GMPS: variants seen among roughly 807,000 people sequenced by gnomAD.
GMPS encodes the protein guanosine monophosphate synthase, also known as GMP synthase [glutamine-hydrolyzing].
Under a neutral mutation model 77.9 loss-of-function variants are expected in GMPS, and 15 were observed. The observed-to-expected ratio is 0.19, with a 90% CI of 0.13 to 0.30. GMPS has a LOEUF of 0.30. Among genes scored for constraint, GMPS ranks in the 10% least tolerant of loss-of-function variants. The probability of loss-of-function intolerance (pLI) is 1.00; values close to 1 mark genes in which losing one functional copy is unlikely to be tolerated. For synonymous variants in GMPS, 224 were observed against 275.9 expected, an observed-to-expected ratio of 0.81 and a Z score of 1.86; for missense variants, 590 against 838.8, an observed-to-expected ratio of 0.70 and a Z score of 3.66.
intron 14 of GMPS, among the ~76,000 whole-genome samples, chr3:155,935,308 G>A (rs1358727835): frequency 2.0e-5 from 3 of 152,122 alleles, no homozygotes; most frequent in African/African-American, 7.2e-5. Flanking sequence ...TCAGCCTCCC[G>A]AGTAGCTGGG....
At chr3:155,911,394 ATG>A (rs1224544081) in intron 7 of GMPS, 115 bp downstream of exon 7, 8 of 596,954 alleles carry the variant, frequency 1.3e-5, no homozygotes, top group Admixed American at 3.7e-5. Flanking sequence ...AAGGTTGAAA[ATG>A]TTTTTTATTT....
intron 1 of GMPS, among the ~76,000 whole-genome samples, chr3:155,874,367 A>G (rs7645121): frequency 0.012 from 1,862 of 152,274 alleles, 49 homozygotes; most frequent in African/African-American, 0.043. Flanking sequence ...TGCATGTGAT[A>G]CAGAATCTTT....
At chr3:155,916,560 T>G (rs1755185025) in intron 9 of GMPS, among the ~76,000 whole-genome samples, 2 of 152,232 alleles carry the variant, frequency 1.3e-5, no homozygotes, top group South Asian at 4.1e-4. Context: ...TACCGTAATG[T>G]TTTCAAGGTT....
intron 5 of GMPS, among the ~76,000 whole-genome samples, chr3:155,907,482 AG>A (rs1398226323): frequency 1.3e-5 from 2 of 152,160 alleles, no homozygotes; most frequent in Non-Finnish European, 2.9e-5. Flanking sequence ...CTAGCTACTC[AG>A]GAGGCTGAGG....
Position 155,896,260 on chromosome 3 carries a change from C to T in GMPS, c.210-1667C>T, listed in dbSNP as rs185299872. The stretch of plus-strand genomic sequence containing the variant: ...TCCTGACCTCGTGATCCACGCACCT[C>T]GGCCTCCCAAAGTGCTGGGATTACA... On this transcript the variant is annotated intron_variant, in intron 2 of 15. Transcript: ENST00000496455. Among the ~76,000 whole-genome samples, 120 of 152,260 alleles carry T rather than the reference C, an allele frequency of 7.9e-4. 1 individual carries two copies. In the East Asian group the frequency reaches 0.01, roughly 13 times the overall value.
chr3:155,892,485 G>A (rs546219405), intron 1 of GMPS, among the ~76,000 whole-genome samples: 68 of 152,188 alleles, frequency 4.5e-4, no homozygotes, highest in African/African-American at 1.6e-3. Flanking sequence ...TTCATCCATA[G>A]CCACCTACTT....
At chr3:155,903,798 TC>T in intron 3 of GMPS, 64 bp from the exon 4 acceptor site, 1 of 638,842 alleles carries the variant, frequency 1.6e-6, no homozygotes, top group Admixed American at 3.3e-5. Flanking sequence ...AATTATTAAA[TC>T]AGTATAACAA....
At chr3:155,927,691 A>G (rs1039223466) in intron 12 of GMPS, among the ~76,000 whole-genome samples, 1 of 152,202 alleles carries the variant, frequency 6.6e-6, no homozygotes, top group Admixed American at 6.5e-5. Context: ...ATGAAAATAC[A>G]TTAAAAAAAA....
chr3:155,910,576 A>G, intron 5 of GMPS, 116 bp from the exon 6 acceptor site: 2 of 543,548 alleles, frequency 3.7e-6, no homozygotes, highest in East Asian at 3.3e-5. Context: ...CTCAAAAAAA[A>G]AAAAAAAAAA....
chr3:155,909,346 A>G (rs1754971931), intron 5 of GMPS, among the ~76,000 whole-genome samples: 1 of 152,234 alleles, frequency 6.6e-6, no homozygotes, highest in Non-Finnish European at 1.5e-5. Context: ...CAAGTCTAAT[A>G]TATGAGATTC....
chr3:155,874,398 AT>A (rs1753981135), intron 1 of GMPS, among the ~76,000 whole-genome samples: 1 of 152,226 alleles, frequency 6.6e-6, no homozygotes, highest in Non-Finnish European at 1.5e-5. Context: ...AATAATGTTA[AT>A]TTTAAGTTTG....
At chr3:155,927,707 T>C (rs2108135910) in intron 12 of GMPS, among the ~76,000 whole-genome samples, 1 of 152,328 alleles carries the variant, frequency 6.6e-6, no homozygotes, top group East Asian at 1.9e-4. Context: ...AAAAATTCTT[T>C]GTATTTCTAC....
At position 155,925,311 on chromosome 3, in the gene GMPS, C is replaced by G. The variant is rs866176839; in HGVS notation, c.1505C>G (p.Thr502Ser). 1 of 1,608,434 alleles carries G rather than the reference C, an allele frequency of 6.2e-7. No homozygotes were observed. Among genetic ancestry groups the G allele is most frequent in the Non-Finnish European group, 8.5e-7 (1 of 1,174,910 alleles). ...EEDQEKLMQITSLHSLNAFLL... is the reference protein window; with the variant it reads ...EEDQEKLMQISSLHSLNAFLL... Reference sequence around the variant, plus strand: ...GATCAGGAGAAGCTGATGCAAATTACCAGTCTGCATTCACTGAATGCCTTC... The same window carrying G: ...GATCAGGAGAAGCTGATGCAAATTAGCAGTCTGCATTCACTGAATGCCTTC... Residue 502 changes from threonine to serine, a missense_variant, in exon 12 of 16, where the codon ACC (threonine) becomes AGC (serine). Physicochemically the swap from Thr to Ser is moderately conservative, Grantham distance 58. Around this residue, in one of 6 missense-constraint regions of GMPS, gnomAD observed 89 missense variants for 95.9 expected, o/e 0.93. Transcript: ENST00000496455.
At chr3:155,897,443 T>C (rs1048680376) in intron 2 of GMPS, among the ~76,000 whole-genome samples, 1 of 152,136 alleles carries the variant, frequency 6.6e-6, no homozygotes, top group Non-Finnish European at 1.5e-5. Flanking sequence ...ACAGGCAAAG[T>C]TGGGTAATGT....
chr3:155,895,731 T>C (rs548648891), intron 2 of GMPS, among the ~76,000 whole-genome samples: 7 of 152,330 alleles, frequency 4.6e-5, no homozygotes, highest in East Asian at 3.9e-4. Context: ...AATGGAAGGC[T>C]CAAAGAGTGA....
chr3:155,896,015 G>GTTTTTT (rs1392180751), intron 2 of GMPS, among the ~76,000 whole-genome samples: 1 of 141,724 alleles, frequency 7.1e-6, no homozygotes, highest in Non-Finnish European at 1.6e-5. Flanking sequence ...TTTTGTTTTT[G>GTTTTTT]TTTTTTTTTT....
In GMPS at chr3:155,893,533, G is replaced by A. The variant is rs1400159533; in HGVS notation, c.43G>A (p.Gly15Arg). The change falls in exon 2 of 16, where the codon GGA becomes AGA. Residue 15 changes from glycine to arginine, a missense_variant. Physicochemically the swap from Gly to Arg is moderately radical, Grantham distance 125. Transcript: ENST00000496455. Reference protein sequence around the residue: ...NGDSKLENAGGDLKDGHHHYE... With the variant: ...NGDSKLENAGRDLKDGHHHYE... ...ATATTTGCAGCTGGAGAATGCTGGAGGAGACCTTAAGGATGGCCACCACCA... is the reference window on the plus strand; with the variant it reads ...ATATTTGCAGCTGGAGAATGCTGGAAGAGACCTTAAGGATGGCCACCACCA... 5 of 1,605,096 alleles carry A rather than the reference G, an allele frequency of 3.1e-6. No individual in the cohort carries two copies. The highest frequency in any genetic ancestry group is 1.3e-5 in the African/African-American group (1 of 74,406).
intron 1 of GMPS, among the ~76,000 whole-genome samples, chr3:155,872,879 G>T (rs991209839): frequency 1.3e-5 from 2 of 152,188 alleles, no homozygotes; most frequent in African/African-American, 2.4e-5. Flanking sequence ...CCCTGAGGAA[G>T]AAAGTCCTGA....
At chr3:155,925,632 C>T (rs1011752786) in intron 12 of GMPS, among the ~76,000 whole-genome samples, 3 of 152,084 alleles carry the variant, frequency 2.0e-5, no homozygotes, top group Non-Finnish European at 2.9e-5. Flanking sequence ...GTTAATGGAA[C>T]TAAATAGTCA....
Sources: allele counts gnomAD v4.1 joint callset (sites outside exome capture counted in the v4.1 genomes callset), GRCh38; gene constraint gnomAD v4.1.1; regional missense constraint gnomAD v4.1.1; transcripts MANE v1.5; gene names NCBI Gene and HGNC (gene_info 2026-07-23, HGNC 2026-07-21).